CPA1: variants seen among roughly 807,000 people sequenced by gnomAD.
CPA1 encodes carboxypeptidase A1 (pancreatic).
Under a neutral mutation model 48.7 loss-of-function variants are expected in CPA1, and 42 were observed. The observed-to-expected ratio is 0.86, with a 90% CI of 0.67 to 1.11. CPA1 has a LOEUF of 1.11. Ranked by LOEUF, CPA1 falls within the 50% of genes most tolerant of loss-of-function variation. The pLI is 0.00. For synonymous variants in CPA1, 203 were observed against 217.9 expected (o/e 0.93, Z 0.60); for missense variants, 477 against 544.7 (o/e 0.88, Z 1.24).
chr7:130,385,301 C>T lies in CPA1; in HGVS notation c.943C>T (p.Pro315Ser), dbSNP rs1554411830. The T allele has an allele frequency of 6.2e-7, 1 of 1,614,202 alleles. No homozygotes were observed. The highest frequency in any genetic ancestry group is 1.1e-5 in the South Asian group (1 of 91,088). ...CAGCTACTCCCAGCTCCTCATGTAT[C>T]CCTATGGCTACAAAACAGAACCAGT... ...IHSYSQLLMY[P>S]YGYKTEPVPD... The change falls in exon 8 of 10, where the codon CCC becomes TCC. Residue 315 changes from proline to serine, a missense_variant. Pro to Ser is a moderately conservative substitution (Grantham distance 74, BLOSUM62 -1). Coordinates refer to ENST00000011292, the MANE Select transcript of CPA1 (RefSeq NM_001868.4).
rs1554411729 is a variant in CPA1, at chr7:130,384,573, G to A, written c.734G>A (p.Gly245Asp). ...CGCAAGACTCGGTCCCACACAGCAG[G>A]CTCCCTCTGTATTGGCGTGGACCCC... ...MWRKTRSHTA[G>D]SLCIGVDPNR... Residue 245 changes from glycine (G) to aspartate (D), a missense_variant, in exon 7 of 10, where the codon GGC becomes GAC. By Grantham distance (94) the Gly-to-Asp change is moderately conservative (BLOSUM62 -1). Coordinates refer to ENST00000011292, the MANE Select transcript of CPA1 (RefSeq NM_001868.4). The A allele has an allele frequency of 2.5e-6, 4 of 1,614,240 alleles. No individual in the cohort carries two copies. The highest frequency in any genetic ancestry group is 3.4e-6 in the Non-Finnish European group (4 of 1,180,040).
At chr7:130,386,744 A>T (rs1290952883) in intron 9 of CPA1, among the ~76,000 whole-genome samples, 7 of 152,218 alleles carry the variant, frequency 4.6e-5, no homozygotes, top group African/African-American at 1.7e-4. Context: ...AAATAAGCAA[A>T]GATCAGGGAA....
Position 130,387,352 on chromosome 7 carries a change from T to G in CPA1, c.1073-472T>G, listed in dbSNP as rs1796487999. 6.6e-6 allele frequency among the ~76,000 whole-genome samples: 1 copy of G among 152,220 alleles called. No individual in the cohort carries two copies. ...TGGGCCAATTCAAAAGTGGCTTCAT[T>G]ACCCACTGTTAATTACAGTTTCCCG... is the stretch of plus-strand genomic sequence containing the variant. On this transcript the variant is annotated intron_variant, in intron 9 of 9. Coordinates refer to ENST00000011292, the MANE Select transcript of CPA1 (RefSeq NM_001868.4). This position sits in a 1 kb window ranked among gnomAD's most constrained non-coding sequence, Gnocchi z 4.6.
chr7:130,384,025 A>C, intron 6 of CPA1: 1 of 558,496 alleles, frequency 1.8e-6, no homozygotes, highest in Non-Finnish European at 3.2e-6. Context: ...CTAACCTTAC[A>C]CCCATTCAAT....
Position 130,388,107 on chromosome 7 carries a change from C to G in CPA1, c.*96C>G, listed in dbSNP as rs1280441177. ...ACCAGGAACAGAATCCTGGGGCTTG[C>G]ATGTGGAGTGTCTGCCTCTTCAAGC... On this transcript the variant is annotated 3_prime_UTR_variant, in exon 10 of 10. Coordinates refer to ENST00000011292, the MANE Select transcript of CPA1 (RefSeq NM_001868.4). 4.0e-6 allele frequency: 5 copies of G among 1,247,322 alleles called. No homozygotes were observed. The Admixed American group carries it at 9.5e-5, about 24-fold the overall frequency. The allele number at this position is 1,247,322 out of a possible 1,614,324, so 77.3% of individuals were successfully genotyped here.
intron 7 of CPA1, 78 bp downstream of exon 7, chr7:130,384,704 C>A: frequency 8.1e-7 from 1 of 1,235,724 alleles, no homozygotes; most frequent in Non-Finnish European, 1.2e-6. Context: ...CTCCCCGCCT[C>A]TCTCCTGCCC....
At chr7:130,382,061 G>C (rs1554411294) in intron 3 of CPA1, 47 bp from the exon 4 acceptor site, 1 of 1,508,754 alleles carries the variant, frequency 6.6e-7, no homozygotes, top group South Asian at 1.1e-5. Flanking sequence ...AAGCATCTGG[G>C]TGCCCAGAAG....
chr7:130,385,421 T>C, intron 8 of CPA1, 76 bp downstream of exon 8: 4 of 1,357,546 alleles, frequency 2.9e-6, no homozygotes, highest in Non-Finnish European at 3.2e-6. Flanking sequence ...CCATCAGACC[T>C]GCTTAAGGCA....
chr7:130,385,467 C>CAAGCCA, intron 8 of CPA1, 122 bp downstream of exon 8: 1 of 906,964 alleles, frequency 1.1e-6, no homozygotes, highest in Non-Finnish European at 1.7e-6. Context: ...CCTTCCTTCC[C>CAAGCCA]TGATGGCTTG....
chr7:130,380,528 G>C lies in CPA1; in HGVS notation c.8G>C (p.Gly3Ala). 1 of 1,315,672 alleles carries C rather than the reference G, an allele frequency of 7.6e-7. No homozygotes were observed. Among genetic ancestry groups the C allele is most frequent in the Non-Finnish European group, 9.8e-7 (1 of 1,024,094 alleles). The allele number at this position is 1,315,672 out of a possible 1,614,324, so 81.5% of individuals were successfully genotyped here. ...TTCCCTCCCGGCAGCAGCATGCGGG[G>C]GTTGCTGGTGTTGAGTGTCCTGTTG... Reference protein sequence around the residue: MRGLLVLSVLLGA... With the variant: MRALLVLSVLLGA... Residue 3 changes from glycine (G) to alanine (A), a missense_variant, in exon 1 of 10, where the codon GGG becomes GCG. Coordinates refer to ENST00000011292, the MANE Select transcript of CPA1 (RefSeq NM_001868.4).
In CPA1 at chr7:130,385,850, C is replaced by T. The variant is rs782440998; in HGVS notation, c.999C>T (p.Ser333=). Residue 333 remains serine, a synonymous_variant, in exon 9 of 10, where the codon TCC becomes TCT. Coordinates refer to ENST00000011292, the MANE Select transcript of CPA1 (RefSeq NM_001868.4). ...GGTGTTTTGTCCAGGATCAGCTTTC[C>T]AAGGCTGCTGTGACAGCCCTGGCCT... ...VPDQDELDQL[S]KAAVTALASL... 2 of 1,613,942 alleles carry T rather than the reference C, an allele frequency of 1.2e-6. No homozygotes were observed. Among genetic ancestry groups the T allele is most frequent in the South Asian group, 2.2e-5 (2 of 90,998 alleles).
At position 130,381,180 on chromosome 7, in the gene CPA1, G is replaced by A. The variant is rs1179519069; in HGVS notation, c.147+1G>A. On this transcript the variant is annotated splice_donor_variant, in intron 2 of 9. Coordinates refer to ENST00000011292, the MANE Select transcript of CPA1 (RefSeq NM_001868.4). LOFTEE classifies it high-confidence loss of function. ...GCTGGAGGACCTGGAGCACCTGCAG[G>A]TCAGAAGAGGGGAGAAGGGCTCTCT... The A allele has an allele frequency of 1.2e-6, 2 of 1,611,278 alleles. No homozygotes were observed. The highest frequency in any genetic ancestry group is 2.7e-5 in the African/African-American group (2 of 74,932).
At chr7:130,385,374 G>A (rs534148807) in intron 8 of CPA1, 29 bp downstream of exon 8, 48 of 1,608,602 alleles carry the variant, frequency 3.0e-5, no homozygotes, top group Middle Eastern at 3.4e-4. Flanking sequence ...TTGCCCCCTC[G>A]TCCCCAAGGT....
intron 9 of CPA1, among the ~76,000 whole-genome samples, chr7:130,386,530 T>C (rs1335543829): frequency 1.3e-5 from 2 of 151,716 alleles, no homozygotes; most frequent in Non-Finnish European, 2.9e-5. Flanking sequence ...AGACTCCATG[T>C]CAAAAAAACA....
chr7:130,388,024 A>C lies in CPA1; in HGVS notation c.*13A>C. The stretch of plus-strand genomic sequence containing the variant: ...TCACCCCTACTGAGCTGACCCTTTG[A>C]CACCCTTCTTGTCCTCCTCTCTGGC... On this transcript the variant is annotated 3_prime_UTR_variant, in exon 10 of 10. Coordinates refer to ENST00000011292, the MANE Select transcript of CPA1 (RefSeq NM_001868.4). 1 of 1,613,494 alleles carries C rather than the reference A, an allele frequency of 6.2e-7. No homozygotes were observed. Among genetic ancestry groups the C allele is most frequent in the Non-Finnish European group, 8.5e-7 (1 of 1,179,676 alleles).
At position 130,383,421 on chromosome 7, in the gene CPA1, A is replaced by G; in HGVS notation, c.514A>G (p.Ile172Val). 2.5e-6 allele frequency: 4 copies of G among 1,614,164 alleles called. No homozygotes were observed. Among genetic ancestry groups the G allele is most frequent in the African/African-American group, 1.3e-5 (1 of 75,044 alleles). The change falls in exon 5 of 10, where the codon ATC (isoleucine) becomes GTC (valine). Residue 172 changes from isoleucine (I) to valine (V), a missense_variant. By Grantham distance (29) the Ile-to-Val change is conservative (BLOSUM62 3). Coordinates refer to ENST00000011292, the MANE Select transcript of CPA1 (RefSeq NM_001868.4). ...CACGGGGGGCAGTAAGCGTCCAGCC[A>G]TCTGGATCGACACGGGCATCCATTC... ...FSTGGSKRPA[I>V]WIDTGIHSRE...
rs1796428570 is a variant in CPA1 at position 130,383,176 on chromosome 7, A to G, written c.484-215A>G. Among the ~76,000 whole-genome samples, 5 of 152,168 alleles carry G rather than the reference A, an allele frequency of 3.3e-5. No individual in the cohort carries two copies. The South Asian group carries it at 1.0e-3, about 32-fold the overall frequency. ...GGCCTGGTCAAGTCATATTCACCCC[A>G]AGCTTGGGCTGAGGGCAGGAGGCCA... On this transcript the variant is annotated intron_variant, in intron 4 of 9. Transcript: ENST00000011292.
At position 130,382,182 on chromosome 7, in the gene CPA1, T is replaced by C. The variant is rs1554411322; in HGVS notation, c.456T>C (p.Tyr152=). ...GCAAGATCCAGATTGGCAACACCTA[T>C]GAAGGGCGTCCCATTTACGTGCTGA... The part of the protein sequence containing the change: ...LVSKIQIGNT[Y]EGRPIYVLKF... Residue 152 remains tyrosine (Y), a synonymous_variant, in exon 4 of 10, where the codon TAT becomes TAC. Transcript: ENST00000011292. 6.2e-7 allele frequency: 1 copy of C among 1,614,212 alleles called. No individual in the cohort carries two copies. The highest frequency in any genetic ancestry group is 2.2e-5 in the East Asian group (1 of 44,880).
intron 7 of CPA1, 60 bp from the exon 8 acceptor site, chr7:130,385,086 G>A: frequency 1.3e-6 from 2 of 1,549,870 alleles, no homozygotes; most frequent in Non-Finnish European, 1.8e-6. Flanking sequence ...CAAAGAACTG[G>A]ATTCCAGAAG....
Sources: gnomAD v4.1 joint callset for allele counts (sites outside exome capture counted in the v4.1 genomes callset) on GRCh38, gnomAD v4.1.1 for gene constraint, Gnocchi (gnomAD v3.1) non-coding constraint, MANE v1.5 for transcripts, NCBI Gene and HGNC (gene_info 2026-07-23, HGNC 2026-07-21) for gene names.